Variants in NFATC2 observed in about 807,000 individuals in gnomAD.
NFATC2 encodes nuclear factor of activated T cells 2, also known as nuclear factor of activated T-cells, cytoplasmic 2.
Under a neutral mutation model 87.3 loss-of-function variants are expected in NFATC2, and 22 were observed. That is an observed-to-expected ratio of 0.25 (90% CI 0.18 to 0.36). NFATC2 has a LOEUF of 0.36. Among genes scored for constraint, NFATC2 ranks in the 10% least tolerant of loss-of-function variants. The probability of loss-of-function intolerance (pLI) is 1.00; values close to 1 mark genes in which losing one functional copy is unlikely to be tolerated. For synonymous variants in NFATC2, 565 were observed against 542.2 expected (o/e 1.04, Z -0.58); for missense variants, 1,149 against 1,259.1 (o/e 0.91, Z 1.32).
chr20:51,421,729 C>T (rs911542575), intron 9 of NFATC2, among the ~76,000 whole-genome samples: 5 of 152,262 alleles, frequency 3.3e-5, no homozygotes, highest in Middle Eastern at 3.4e-3. Flanking sequence ...TATGTGCAAT[C>T]CCCGGTTTTT....
chr20:51,541,369 T>G (rs1013630110), intron 1 of NFATC2, among the ~76,000 whole-genome samples: 94 of 152,036 alleles, frequency 6.2e-4, no homozygotes, highest in African/African-American at 2.2e-3. Flanking sequence ...GGAAGCCTGG[T>G]TGGGTTTTTT....
intron 6 of NFATC2, among the ~76,000 whole-genome samples, chr20:51,454,134 C>T (rs142925837): frequency 2.2e-4 from 33 of 152,178 alleles, no homozygotes; most frequent in African/African-American, 7.0e-4. Flanking sequence ...GGTAATATGC[C>T]TCGGATCACC....
At chr20:51,519,955 G>A (rs1481667422) in intron 2 of NFATC2, among the ~76,000 whole-genome samples, 6 of 151,494 alleles carry the variant, frequency 4.0e-5, no homozygotes, top group Non-Finnish European at 8.8e-5. Context: ...TAGAGCATCA[G>A]AGCCAGCATG....
intron 1 of NFATC2, among the ~76,000 whole-genome samples, chr20:51,538,789 G>A (rs1057080375): frequency 6.6e-6 from 1 of 152,224 alleles, no homozygotes; most frequent in South Asian, 2.1e-4. Flanking sequence ...ACGGTCCTAT[G>A]AGGCAAGTGG....
upstream of NFATC2, among the ~76,000 whole-genome samples, chr20:51,546,088 A>G (rs184002677): frequency 6.6e-6 from 1 of 152,324 alleles, no homozygotes; most frequent in African/African-American, 2.4e-5. Context: ...AAAATGAGAT[A>G]TTAAAGGGAA....
chr20:51,458,664 A>T (rs1409559998), intron 5 of NFATC2, among the ~76,000 whole-genome samples: 1 of 150,850 alleles, frequency 6.6e-6, no homozygotes, highest in Non-Finnish European at 1.5e-5. Context: ...AAAAGAAATT[A>T]TCTGGGCGTG....
intron 6 of NFATC2, among the ~76,000 whole-genome samples, chr20:51,442,606 G>T (rs762496518): frequency 1.3e-5 from 2 of 152,066 alleles, no homozygotes; most frequent in Non-Finnish European, 2.9e-5. Flanking sequence ...GCCTGAATGC[G>T]TGAGGTGAGA....
chr20:51,430,494 G>C (rs1047379156), intron 9 of NFATC2, among the ~76,000 whole-genome samples: 2 of 152,228 alleles, frequency 1.3e-5, no homozygotes, highest in Admixed American at 1.3e-4. Context: ...ACCTGTGCTT[G>C]ATTATTCAGG....
At chr20:51,399,295 G>A (rs1987720343) in intron 9 of NFATC2, 1 of 153,198 alleles carries the variant, frequency 6.5e-6, no homozygotes, top group Non-Finnish European at 1.5e-5. Flanking sequence ...ACTTGAATGA[G>A]ACCTGGGGAG....
At chr20:51,517,414 C>A (rs1454728694) in intron 2 of NFATC2, among the ~76,000 whole-genome samples, 1 of 151,850 alleles carries the variant, frequency 6.6e-6, no homozygotes, top group Admixed American at 6.6e-5. Context: ...CACGGAGAGA[C>A]CCTGTCTCTA....
intron 5 of NFATC2, among the ~76,000 whole-genome samples, chr20:51,469,686 C>T (rs779327159): frequency 3.3e-5 from 5 of 152,118 alleles, no homozygotes; most frequent in Non-Finnish European, 7.3e-5. Context: ...GAAAAAGATA[C>T]ACACAGAGAC....
chr20:51,414,217 C>T (rs936455329), intron 9 of NFATC2, among the ~76,000 whole-genome samples: 4 of 151,898 alleles, frequency 2.6e-5, no homozygotes, highest in Non-Finnish European at 5.9e-5. Context: ...AGACAAGTCA[C>T]AGCATTTGTC....
rs114582249 is a variant in NFATC2 at position 51,404,885 on chromosome 20, C to G, written c.2723-6155G>C. On this transcript the variant is annotated intron_variant, in intron 9 of 10. Transcript: ENST00000371564. ...AGAGGCCTCCGGAAACCAGCCCAGA[C>G]AGCAGACTCACAAGCACCCTGCCAC... 9.1e-4 allele frequency among the ~76,000 whole-genome samples: 139 copies of G among 152,348 alleles called. 1 individual carries two copies. Among genetic ancestry groups the G allele is most frequent in the African/African-American group, 3.3e-3 (137 of 41,586 alleles).
At chr20:51,417,053 T>C (rs778979728) in intron 9 of NFATC2, among the ~76,000 whole-genome samples, 5 of 152,174 alleles carry the variant, frequency 3.3e-5, no homozygotes, top group Non-Finnish European at 7.3e-5. Context: ...ATTCTCTTTA[T>C]ACGTGGACTC....
intron 6 of NFATC2, among the ~76,000 whole-genome samples, chr20:51,447,482 C>T (rs1175309105): frequency 6.6e-6 from 1 of 152,240 alleles, no homozygotes; most frequent in African/African-American, 2.4e-5. Flanking sequence ...AATTCCAAAA[C>T]TCTGTGTCAT....
intron 3 of NFATC2, among the ~76,000 whole-genome samples, chr20:51,481,917 A>C (rs1989292962): frequency 6.6e-6 from 1 of 152,172 alleles, no homozygotes; most frequent in Non-Finnish European, 1.5e-5. Flanking sequence ...AAACATAGCT[A>C]ATGTAATCTC....
Position 51,542,707 on chromosome 20 carries a change from C to T in NFATC2, c.-208G>A. The stretch of plus-strand genomic sequence containing the variant: ...CTGAGCGGCGGCGGCGACGGCGGCG[C>T]GAGCTTCCTGCTCCGGAGGCACCTG... On this transcript the variant is annotated 5_prime_UTR_variant, in exon 1 of 11. Transcript: ENST00000371564. 2.0e-6 allele frequency: 2 copies of T among 994,760 alleles called. No homozygotes were observed. The highest frequency in any genetic ancestry group is 6.8e-5 in the Admixed American group (1 of 14,740). The allele number at this position is 994,760 out of a possible 1,614,324, so 61.6% of individuals were successfully genotyped here. A position where few individuals can be genotyped will look rare whatever the true frequency, so the allele number is the denominator to read the frequency against.
intron 8 of NFATC2, among the ~76,000 whole-genome samples, chr20:51,434,428 C>T (rs76716897): frequency 8.7e-6 from 1 of 114,428 alleles, no homozygotes; most frequent in African/African-American, 3.5e-5. Context: ...GCCTATTTCC[C>T]AAGGGAGAGC....
chr20:51,396,254 C>T (rs1987122883), intron 10 of NFATC2, among the ~76,000 whole-genome samples: 1 of 151,924 alleles, frequency 6.6e-6, no homozygotes, highest in South Asian at 2.1e-4. Context: ...TGCTAAAAGG[C>T]CCAGACACCT....
Sources: allele counts gnomAD v4.1 joint callset (sites outside exome capture counted in the v4.1 genomes callset), GRCh38; gene constraint gnomAD v4.1.1; transcripts MANE v1.5; gene names NCBI Gene and HGNC (gene_info 2026-07-23, HGNC 2026-07-21).